Variants in BRD10 observed in about 807,000 individuals in gnomAD.
The protein encoded by BRD10 is bromodomain containing 10, also known as uncharacterized bromodomain-containing protein 10.
At chr9:5,885,970 G>A in the BRD10 span, among the ~76,000 whole-genome samples, 1 of 152,208 alleles carries the variant, frequency 6.6e-6, no homozygotes, top group East Asian at 1.9e-4. Flanking sequence ...AGTTCAGGTA[G>A]AAGTTGTTTT....
chr9:5,905,248 A>C, the BRD10 span, among the ~76,000 whole-genome samples: 1 of 152,178 alleles, frequency 6.6e-6, no homozygotes, highest in Non-Finnish European at 1.5e-5. Context: ...TAAATCCTCC[A>C]AACAACTGAA....
At chr9:5,920,582 T>G in the BRD10 span, 1 of 1,613,964 alleles carries the variant, frequency 6.2e-7, no homozygotes, top group Non-Finnish European at 8.5e-7. Flanking sequence ...AGTTTGAGGT[T>G]TATTTGTGTT....
chr9:5,923,670 T>G, the BRD10 span, among the ~76,000 whole-genome samples: 1 of 152,192 alleles, frequency 6.6e-6, no homozygotes. Context: ...GGAATCTAGT[T>G]CTCTTTTTCT....
chr9:5,920,748 T>C, the BRD10 span: 4 of 1,613,892 alleles, frequency 2.5e-6, no homozygotes, highest in Admixed American at 6.7e-5. Flanking sequence ...GTCGCAGGTG[T>C]AGGTAAGGCA....
At chr9:5,945,245 T>C in the BRD10 span, among the ~76,000 whole-genome samples, 1 of 152,070 alleles carries the variant, frequency 6.6e-6, no homozygotes, top group Admixed American at 6.6e-5. Flanking sequence ...TTAACATCAT[T>C]AACTTTCAGC....
chr9:5,994,901 C>CTTTTTTTTTTCTTTTTTTTTTT, the BRD10 span, among the ~76,000 whole-genome samples: 1 of 141,688 alleles, frequency 7.1e-6, no homozygotes, highest in African/African-American at 2.6e-5. Flanking sequence ...TATCATTTTT[C>CTTTTTTTTTTCTTTTTTTTTTT]TTTTTTTTTT....
chr9:5,935,443 C>T, the BRD10 span, among the ~76,000 whole-genome samples: 10 of 152,096 alleles, frequency 6.6e-5, no homozygotes, highest in African/African-American at 1.4e-4. Flanking sequence ...TCACTATCAC[C>T]GGGGAAGAAA....
chr9:5,963,000 AG>A, the BRD10 span, among the ~76,000 whole-genome samples: 2 of 134,252 alleles, frequency 1.5e-5, no homozygotes, highest in African/African-American at 5.7e-5. Context: ...AACTGGCACA[AG>A]ACAGGGATGC....
At chr9:5,974,079 G>A in the BRD10 span, among the ~76,000 whole-genome samples, 2 of 151,908 alleles carry the variant, frequency 1.3e-5, no homozygotes, top group Admixed American at 6.6e-5. Context: ...CCACATTTGG[G>A]CACATGATAA....
the BRD10 span, among the ~76,000 whole-genome samples, chr9:5,991,963 T>G: frequency 6.6e-6 from 1 of 152,160 alleles, no homozygotes; most frequent in Non-Finnish European, 1.5e-5. Flanking sequence ...CCATGCATCT[T>G]TGCACTTGAT....
the BRD10 span, chr9:5,920,330 T>A: frequency 6.2e-7 from 1 of 1,613,980 alleles, no homozygotes; most frequent in Non-Finnish European, 8.5e-7. Context: ...AATCATAATC[T>A]GAGTACCAGG....
chr9:5,913,520 A>C, the BRD10 span, among the ~76,000 whole-genome samples: 1 of 152,262 alleles, frequency 6.6e-6, no homozygotes, highest in African/African-American at 2.4e-5. Context: ...AGAAGCTGTG[A>C]AATGGAATAA....
chr9:5,997,765 A>C, the BRD10 span, among the ~76,000 whole-genome samples: 1 of 152,182 alleles, frequency 6.6e-6, no homozygotes, highest in Non-Finnish European at 1.5e-5. Flanking sequence ...CCATTCATTC[A>C]TTCCTTCATT....
the BRD10 span, chr9:5,921,500 G>C: frequency 6.2e-7 from 1 of 1,613,916 alleles, no homozygotes; most frequent in Non-Finnish European, 8.5e-7. Context: ...AGAAACACCT[G>C]TAGATGTCAG....
the BRD10 span, among the ~76,000 whole-genome samples, chr9:5,924,113 A>C: frequency 6.3e-4 from 96 of 152,334 alleles, no homozygotes; most frequent in African/African-American, 2.2e-3. Context: ...TTTCTAAAGT[A>C]AATTTCAGAT....
At chr9:5,987,577 T>C in the BRD10 span, among the ~76,000 whole-genome samples, 1 of 152,160 alleles carries the variant, frequency 6.6e-6, no homozygotes, top group African/African-American at 2.4e-5. Flanking sequence ...TGGTAGAAAG[T>C]CTCAAGGCTG....
chr9:5,921,090 T>TAG, the BRD10 span: 1 of 1,613,912 alleles, frequency 6.2e-7, no homozygotes, highest in South Asian at 1.1e-5. Context: ...ACAGGGGTAA[T>TAG]ATTCTGACTC....
chr9:5,930,001 G>T, the BRD10 span, among the ~76,000 whole-genome samples: 1 of 151,958 alleles, frequency 6.6e-6, no homozygotes, highest in African/African-American at 2.4e-5. Flanking sequence ...ACCTCTAGAA[G>T]ATACACCTCA....
chr9:5,894,499 G>C, the BRD10 span, among the ~76,000 whole-genome samples: 2 of 152,242 alleles, frequency 1.3e-5, no homozygotes, highest in Middle Eastern at 3.4e-3. The surrounding 1 kb of genome is among the most constrained non-coding windows in gnomAD (Gnocchi z 4.0). Flanking sequence ...CCACAGAAAT[G>C]GGACCCAGAT....
Sources: gnomAD v4.1 joint callset for allele counts (sites outside exome capture counted in the v4.1 genomes callset) on GRCh38, gnomAD v4.1.1 for gene constraint, Gnocchi (gnomAD v3.1) non-coding constraint, MANE v1.5 for transcripts, NCBI Gene and HGNC (gene_info 2026-07-23, HGNC 2026-07-21) for gene names.